Variants in AAK1 observed in about 807,000 individuals in gnomAD.
AAK1 encodes the protein AP2 associated kinase 1, also known as AP2-associated protein kinase 1.
Under a neutral mutation model 116.0 loss-of-function variants are expected in AAK1, and 37 were observed. That is an observed-to-expected ratio of 0.32 (90% CI 0.25 to 0.42). AAK1 has a LOEUF of 0.42. Among genes scored for constraint, AAK1 ranks in the 10% least tolerant of loss-of-function variants. The probability of loss-of-function intolerance (pLI) is 1.00; values close to 1 mark genes in which losing one functional copy is unlikely to be tolerated. For missense variants in AAK1, 919 were observed against 1,170.6 expected (o/e 0.79, Z 3.14); for synonymous variants, 458 against 439.9 (o/e 1.04, Z -0.51).
Position 69,471,033 on chromosome 2 carries a change from C to T in AAK1, c.*4836G>A, listed in dbSNP as rs1023776024. ...GCAATGTTCAAATTTCACGTTTTTA[C>T]TGCATAAGATATCTTCATGTACAAC... On this transcript the variant is annotated 3_prime_UTR_variant, in exon 22 of 22. Coordinates refer to ENST00000409085, the MANE Select transcript of AAK1 (RefSeq NM_014911.5). 6.1e-6 allele frequency: 6 copies of T among 985,742 alleles called. No individual in the cohort carries two copies. The highest frequency in any genetic ancestry group is 7.2e-6 in the Non-Finnish European group (6 of 829,916). 61.1% of individuals were successfully genotyped at this position (985,742 alleles called of 1,614,324 possible).
rs1489754782 is a variant in AAK1, at chr2:69,573,534, A to G, written c.164-16556T>C. Among the ~76,000 whole-genome samples, 3 of 152,338 alleles carry G rather than the reference A, an allele frequency of 2.0e-5. No homozygotes were observed. In the East Asian group the frequency reaches 5.8e-4, roughly 29 times the overall value. ...TGAGTAATCCATAAGCTGCATCGGCAAGTAGTCTCAGTGAGGCAGAAAGAC... is the reference window on the plus strand; with the variant it reads ...TGAGTAATCCATAAGCTGCATCGGCGAGTAGTCTCAGTGAGGCAGAAAGAC... On this transcript the variant is annotated intron_variant, in intron 2 of 21. Transcript: ENST00000409085.
intron 2 of AAK1, among the ~76,000 whole-genome samples, chr2:69,594,553 G>A (rs910042454): frequency 2.0e-5 from 3 of 152,180 alleles, no homozygotes; most frequent in Non-Finnish European, 2.9e-5. Context: ...GGTTACTACT[G>A]CCAGGAATGT....
At chr2:69,521,134 T>C in intron 10 of AAK1, 146 bp from the exon 11 acceptor site, 1 of 904,304 alleles carries the variant, frequency 1.1e-6, no homozygotes, top group African/African-American at 1.7e-5. Flanking sequence ...TCCCACAGGA[T>C]GCCATTGTTA....
chr2:69,590,389 G>A (rs1672979960), intron 2 of AAK1, among the ~76,000 whole-genome samples: 1 of 152,212 alleles, frequency 6.6e-6, no homozygotes, highest in South Asian at 2.1e-4. Flanking sequence ...TGAGAACAGA[G>A]GAGAGCACAC....
chr2:69,564,771 G>A (rs955416679), intron 2 of AAK1, among the ~76,000 whole-genome samples: 2 of 152,108 alleles, frequency 1.3e-5, no homozygotes, highest in Non-Finnish European at 1.5e-5. Context: ...ATCTGACCAC[G>A]TGATTGTATC....
intron 2 of AAK1, among the ~76,000 whole-genome samples, chr2:69,573,685 A>T (rs1244186274): frequency 6.6e-6 from 1 of 152,216 alleles, no homozygotes; most frequent in Non-Finnish European, 1.5e-5. Flanking sequence ...AACCTGAAAT[A>T]TCCACAAAGT....
intron 2 of AAK1, among the ~76,000 whole-genome samples, chr2:69,560,350 G>T (rs926939920): frequency 1.3e-5 from 2 of 152,200 alleles, no homozygotes; most frequent in African/African-American, 4.8e-5. Context: ...ACGGAAGGAG[G>T]CTGTCAACAG....
rs1235096397 is a variant in AAK1 at position 69,464,247 on chromosome 2, G to A, written c.*11622C>T. Reference sequence around the variant, plus strand: ...AACAAAACCACCCCAAAACAAGCAAGCCTAGTTTGTAGCCTAGTCTCATGA... The same window carrying A: ...AACAAAACCACCCCAAAACAAGCAAACCTAGTTTGTAGCCTAGTCTCATGA... On this transcript the variant is annotated 3_prime_UTR_variant, in exon 22 of 22. Coordinates refer to ENST00000409085, the MANE Select transcript of AAK1 (RefSeq NM_014911.5). 1 of 151,770 alleles carries A rather than the reference G, an allele frequency of 6.6e-6. No homozygotes were observed. Among genetic ancestry groups the A allele is most frequent in the Non-Finnish European group, 1.5e-5 (1 of 68,026 alleles). The allele number at this position is 151,770 out of a possible 1,614,324, so 9.4% of individuals were successfully genotyped here.
intron 2 of AAK1, among the ~76,000 whole-genome samples, chr2:69,577,819 A>G (rs967754317): frequency 5.9e-5 from 9 of 151,994 alleles, no homozygotes; most frequent in African/African-American, 9.7e-5. Context: ...GAGCCAGCAC[A>G]TTCCCATGGG....
chr2:69,508,033 C>T (rs1676256691), intron 14 of AAK1, among the ~76,000 whole-genome samples: 1 of 152,150 alleles, frequency 6.6e-6, no homozygotes, highest in African/African-American at 2.4e-5. Flanking sequence ...AAGGGCTTTC[C>T]ACAGCACCTG....
chr2:69,493,690 T>A (rs1232866908), intron 17 of AAK1, among the ~76,000 whole-genome samples: 3 of 152,202 alleles, frequency 2.0e-5, no homozygotes, highest in Non-Finnish European at 4.4e-5. Context: ...ACAGACTATG[T>A]CCTGATAAGG....
At chr2:69,520,239 C>A (rs929904509) in intron 11 of AAK1, 3 of 177,718 alleles carry the variant, frequency 1.7e-5, no homozygotes, top group African/African-American at 7.1e-5. Flanking sequence ...AGGTTCCAAA[C>A]TGCAAAAATC....
Position 69,459,826 on chromosome 2 carries a change from A to G in AAK1, c.*16043T>C, listed in dbSNP as rs1674296738. The stretch of plus-strand genomic sequence containing the variant: ...CACATACTACTTTTCAAGCATTTTG[A>G]AACTCTTCTTTTCCTTTAGTGATGT... On this transcript the variant is annotated 3_prime_UTR_variant, in exon 22 of 22. Coordinates refer to ENST00000409085, the MANE Select transcript of AAK1 (RefSeq NM_014911.5). 6.6e-6 allele frequency: 1 copy of G among 152,140 alleles called. No homozygotes were observed. The highest frequency in any genetic ancestry group is 2.1e-4 in the South Asian group (1 of 4,820). 9.4% of individuals were successfully genotyped at this position (152,140 alleles called of 1,614,324 possible).
chr2:69,533,195 G>A (rs1166974298), intron 5 of AAK1, among the ~76,000 whole-genome samples: 1 of 152,110 alleles, frequency 6.6e-6, no homozygotes, highest in African/African-American at 2.4e-5. Flanking sequence ...TGAAAGATAA[G>A]CTCCTTAAAG....
chr2:69,558,285 A>T (rs1268522352), intron 2 of AAK1, among the ~76,000 whole-genome samples: 1 of 151,354 alleles, frequency 6.6e-6, no homozygotes, highest in African/African-American at 2.4e-5. Flanking sequence ...TGGAGGTTGC[A>T]GTGAGCTGTG....
At chr2:69,617,002 T>A (rs1211782065) in intron 2 of AAK1, among the ~76,000 whole-genome samples, 1 of 152,138 alleles carries the variant, frequency 6.6e-6, no homozygotes, top group African/African-American at 2.4e-5. Flanking sequence ...GCCCTCATCC[T>A]ATCCCCAGTG....
At chr2:69,532,307 C>T in intron 5 of AAK1, 145 bp from the exon 6 acceptor site, 3 of 976,852 alleles carry the variant, frequency 3.1e-6, no homozygotes, top group South Asian at 3.3e-5. Context: ...CCAAGTATCT[C>T]AACAGGGGTC....
intron 3 of AAK1, among the ~76,000 whole-genome samples, chr2:69,545,745 A>G (rs1381427011): frequency 6.6e-6 from 1 of 152,224 alleles, no homozygotes; most frequent in African/African-American, 2.4e-5. Context: ...AGTTCAGACA[A>G]AAGTAGAAAG....
intron 5 of AAK1, among the ~76,000 whole-genome samples, chr2:69,534,779 G>T (rs1489981731): frequency 6.6e-6 from 1 of 152,220 alleles, no homozygotes; most frequent in Admixed American, 6.5e-5. Context: ...AGTTATGACA[G>T]ACTTAAAATA....
Sources: gnomAD v4.1 joint callset for allele counts (sites outside exome capture counted in the v4.1 genomes callset) on GRCh38, gnomAD v4.1.1 for gene constraint, MANE v1.5 for transcripts, NCBI Gene and HGNC (gene_info 2026-07-23, HGNC 2026-07-21) for gene names.